The following RNF10 variants were observed in gnomAD, a reference collection of about 807,000 sequenced individuals.
The protein encoded by RNF10 is ring finger protein 10, also known as E3 ubiquitin-protein ligase RNF10.
RNF10 carries 38 observed loss-of-function variants against 91.4 expected under a neutral mutation model. The ratio of observed to expected loss-of-function variants is 0.42; its 90% CI spans 0.32 to 0.54. The LOEUF is 0.54. Among genes scored for constraint, RNF10 ranks in the 20% least tolerant of loss-of-function variants. RNF10 has a pLI of 0.16. For missense variants in RNF10, 945 were observed against 1,012.0 expected (o/e 0.93, Z 0.90); for synonymous variants, 364 against 366.3 (o/e 0.99, Z 0.07).
At chr12:120,535,372 G>A (rs1327701755) in intron 1 of RNF10, 2 of 155,030 alleles carry the variant, frequency 1.3e-5, no homozygotes, top group Non-Finnish European at 2.9e-5. Context: ...AGTTTAGATG[G>A]GTGGGTGAGG....
Position 120,565,200 on chromosome 12 carries a change from C to G in RNF10, c.1783+11C>G, listed in dbSNP as rs1432284682. 9 of 1,532,998 alleles carry G rather than the reference C, an allele frequency of 5.9e-6. No homozygotes were observed. Among genetic ancestry groups the G allele is most frequent in the Non-Finnish European group, 8.1e-6 (9 of 1,106,440 alleles). The allele number at this position is 1,532,998 out of a possible 1,614,324, so 95.0% of individuals were successfully genotyped here. A position where few individuals can be genotyped will look rare whatever the true frequency, so the allele number is the denominator to read the frequency against. On this transcript the variant is annotated intron_variant, in intron 11 of 16. Coordinates refer to ENST00000325954, the MANE Select transcript of RNF10 (RefSeq NM_014868.5). ...TAGAGATGTTCTCAGGTGAGAATGCCCCTGCTCTGCTTCTCTTTATAGTAG... is the reference window on the plus strand; with the variant it reads ...TAGAGATGTTCTCAGGTGAGAATGCGCCTGCTCTGCTTCTCTTTATAGTAG...
At chr12:120,543,631 G>A (rs1417905031) in intron 1 of RNF10, among the ~76,000 whole-genome samples, 1 of 151,960 alleles carries the variant, frequency 6.6e-6, no homozygotes, top group Non-Finnish European at 1.5e-5. Context: ...GCAAAACCCC[G>A]TCTATATCAA....
rs371792374 is a variant in RNF10 at position 120,552,714 on chromosome 12, C to A, written c.554+16C>A. 6.2e-7 allele frequency: 1 copy of A among 1,610,012 alleles called. No individual in the cohort carries two copies. The highest frequency in any genetic ancestry group is 8.5e-7 in the Non-Finnish European group (1 of 1,177,556). On this transcript the variant is annotated intron_variant, in intron 3 of 16. Transcript: ENST00000325954. ...TACAGGCCAAGTGAGTATTGCTACC[C>A]CTCAGAGGAAAGGGAAAGTAGGACT...
At chr12:120,559,277 G>A (rs1302849319) in intron 6 of RNF10, among the ~76,000 whole-genome samples, 1 of 148,602 alleles carries the variant, frequency 6.7e-6, no homozygotes, top group Non-Finnish European at 1.5e-5. Context: ...CACCTCCTCG[G>A]TTCAAACGAT....
At position 120,534,879 on chromosome 12, in the gene RNF10, G is replaced by A. The variant is rs767633855; in HGVS notation, c.68G>A (p.Ser23Asn). The change falls in exon 1 of 17, where the codon AGC becomes AAC. Residue 23 changes from serine to asparagine, a missense_variant. Ser to Asn is a conservative substitution (Grantham distance 46). Coordinates refer to ENST00000325954, the MANE Select transcript of RNF10 (RefSeq NM_014868.5). Reference protein sequence around the residue: ...SDMDKNSGSNSSSASSGSSKG... With the variant: ...SDMDKNSGSNNSSASSGSSKG... ...ATGGACAAGAACAGCGGCTCCAACAGCTCCTCCGCCTCTTCGGGCAGCAGC... is the reference window on the plus strand; with the variant it reads ...ATGGACAAGAACAGCGGCTCCAACAACTCCTCCGCCTCTTCGGGCAGCAGC... 3 of 1,608,286 alleles carry A rather than the reference G, an allele frequency of 1.9e-6. No homozygotes were observed. The highest frequency in any genetic ancestry group is 2.7e-5 in the African/African-American group (2 of 74,862).
chr12:120,565,535 T>G lies in RNF10; in HGVS notation c.1885+6T>G. On this transcript the variant is annotated splice_donor_region_variant and intron_variant, in intron 12 of 16. Coordinates refer to ENST00000325954, the MANE Select transcript of RNF10 (RefSeq NM_014868.5). ...GAACAAGAAACAGGGCAAGTGTAAG[T>G]TCAGGAACTTTCATCTTTGACTAGC... 1 of 1,611,456 alleles carries G rather than the reference T, an allele frequency of 6.2e-7. No individual in the cohort carries two copies. The highest frequency in any genetic ancestry group is 8.5e-7 in the Non-Finnish European group (1 of 1,178,096).
intron 4 of RNF10, among the ~76,000 whole-genome samples, chr12:120,556,707 C>CT (rs2137197924): frequency 6.6e-6 from 1 of 151,822 alleles, no homozygotes; most frequent in South Asian, 2.1e-4. Flanking sequence ...CTTTTTAGGC[C>CT]TTTATGCATA....
chr12:120,546,460 C>T lies in RNF10; in HGVS notation c.213C>T (p.Tyr71=), dbSNP rs766893019. 1 of 1,614,108 alleles carries T rather than the reference C, an allele frequency of 6.2e-7. No individual in the cohort carries two copies. Among genetic ancestry groups the T allele is most frequent in the Non-Finnish European group, 8.5e-7 (1 of 1,180,000 alleles). The change falls in exon 2 of 17, where the codon TAC becomes TAT. Residue 71 remains tyrosine (Y), a synonymous_variant. Coordinates refer to ENST00000325954, the MANE Select transcript of RNF10 (RefSeq NM_014868.5). ...KRYNRKRELS[Y]PKNESFNNQS... ...ATAATCGCAAACGTGAACTTTCCTA[C>T]CCCAAAAATGAAAGTTTTAACAACC...
chr12:120,573,792 A>G (rs1409020487), intron 14 of RNF10, among the ~76,000 whole-genome samples: 3 of 152,134 alleles, frequency 2.0e-5, no homozygotes, highest in African/African-American at 7.2e-5. Flanking sequence ...CAGTTTCAAA[A>G]TAGCCTTCAG....
chr12:120,554,907 C>A, intron 4 of RNF10, 99 bp downstream of exon 4: 6 of 906,018 alleles, frequency 6.6e-6, no homozygotes, highest in Non-Finnish European at 9.0e-6. Flanking sequence ...TGCTTGATAC[C>A]CTTTTCTGCC....
At position 120,546,496 on chromosome 12, in the gene RNF10, C is replaced by T. The variant is rs1872361712; in HGVS notation, c.249C>T (p.Arg83=). ...KNESFNNQSR[R]SSSQKSKTFN... ...AAAGTTTTAACAACCAGTCCCGTCG[C>T]TCCAGTTCACAGAAAAGCAAGACTT... Residue 83 remains arginine (R), a synonymous_variant, in exon 2 of 17, where the codon CGC becomes CGT. Transcript: ENST00000325954. 1 of 1,614,212 alleles carries T rather than the reference C, an allele frequency of 6.2e-7. No individual in the cohort carries two copies. The highest frequency in any genetic ancestry group is 8.5e-7 in the Non-Finnish European group (1 of 1,180,034).
chr12:120,565,201 C>G lies in RNF10; in HGVS notation c.1783+12C>G, dbSNP rs1875505425. The stretch of plus-strand genomic sequence containing the variant: ...AGAGATGTTCTCAGGTGAGAATGCC[C>G]CTGCTCTGCTTCTCTTTATAGTAGG... On this transcript the variant is annotated intron_variant, in intron 11 of 16. Coordinates refer to ENST00000325954, the MANE Select transcript of RNF10 (RefSeq NM_014868.5). The G allele has an allele frequency of 6.5e-7, 1 of 1,534,752 alleles. No individual in the cohort carries two copies. Among genetic ancestry groups the G allele is most frequent in the Non-Finnish European group, 9.0e-7 (1 of 1,107,952 alleles).
chr12:120,534,977 G>A lies in RNF10; in HGVS notation c.157+9G>A, dbSNP rs761496796. On this transcript the variant is annotated intron_variant, in intron 1 of 16. Coordinates refer to ENST00000325954, the MANE Select transcript of RNF10 (RefSeq NM_014868.5). ...GTCTAAACCCAAGAGCGGTAAGGAC[G>A]GGCCTGCGGCAGTGGGCGGGGGCGA... The A allele has an allele frequency of 3.8e-6, 6 of 1,588,354 alleles. No homozygotes were observed. The highest frequency in any genetic ancestry group is 3.3e-5 in the South Asian group (3 of 89,748).
intron 3 of RNF10, 66 bp downstream of exon 3, chr12:120,552,764 T>C: frequency 7.2e-7 from 1 of 1,397,928 alleles, no homozygotes; most frequent in Non-Finnish European, 9.8e-7. Flanking sequence ...GGTGCCTCTG[T>C]GAGAGGCTTT....
intron 4 of RNF10, among the ~76,000 whole-genome samples, chr12:120,556,117 G>A (rs562314162): frequency 3.3e-5 from 5 of 152,014 alleles, no homozygotes; most frequent in Non-Finnish European, 7.4e-5. Context: ...CCACTGATGT[G>A]TTTTCTACTG....
chr12:120,576,683 T>A lies in RNF10; in HGVS notation c.*17T>A. The A allele has an allele frequency of 6.3e-7, 1 of 1,598,476 alleles. No individual in the cohort carries two copies. Among genetic ancestry groups the A allele is most frequent in the South Asian group, 1.1e-5 (1 of 87,444 alleles). ...ACCAAGTGACACTACTGGCCCAGGC[T>A]ACCTTCTCCATCTGGTTTTTGTTTT... On this transcript the variant is annotated 3_prime_UTR_variant, in exon 17 of 17. Transcript: ENST00000325954.
At position 120,552,692 on chromosome 12, in the gene RNF10, A is replaced by G; in HGVS notation, c.548A>G (p.Gln183Arg). 6.2e-7 allele frequency: 1 copy of G among 1,613,700 alleles called. No individual in the cohort carries two copies. Among genetic ancestry groups the G allele is most frequent in the Non-Finnish European group, 8.5e-7 (1 of 1,179,866 alleles). ...HKPFNKELFL[Q>R]ANCQFVVSED... ...CCTTTTAACAAGGAACTCTTTTTAC[A>G]GGCCAAGTGAGTATTGCTACCCCTC... Residue 183 changes from glutamine (Q) to arginine (R), a missense_variant, in exon 3 of 17, where the codon CAG becomes CGG. Gln to Arg is a conservative substitution (Grantham distance 43). Transcript: ENST00000325954.
chr12:120,562,957 G>A lies in RNF10; in HGVS notation c.1141G>A (p.Ala381Thr), dbSNP rs979769694. ...CTGGCCACGTTAGACTCGGGAAGAG[G>A]CTCTGTCGGGATTGGCCGGAAGCAG... ...AIQELKTREE[A>T]LSGLAGSRRE... is the part of the protein sequence containing the mutation. The change falls in exon 8 of 17, where the codon GCT becomes ACT. Residue 381 changes from alanine (A) to threonine (T), a missense_variant. Transcript: ENST00000325954. The A allele has an allele frequency of 6.2e-7, 1 of 1,614,008 alleles. No homozygotes were observed. The highest frequency in any genetic ancestry group is 8.5e-7 in the Non-Finnish European group (1 of 1,179,942).
rs1229188312 is a variant in RNF10 at position 120,565,576 on chromosome 12, T to C, written c.1885+47T>C. The C allele has an allele frequency of 4.6e-6, 7 of 1,513,218 alleles. No homozygotes were observed. In the Admixed American group the frequency reaches 5.3e-5, roughly 11 times the overall value. 93.7% of individuals were successfully genotyped at this position (1,513,218 alleles called of 1,614,324 possible). ...TTTGACTAGCACTGCTGTACGTCGT[T>C]GTATAGAACTCTGTGTCTGGGACCT... On this transcript the variant is annotated intron_variant, in intron 12 of 16. Coordinates refer to ENST00000325954, the MANE Select transcript of RNF10 (RefSeq NM_014868.5).
Sources: gnomAD v4.1 joint callset for allele counts (sites outside exome capture counted in the v4.1 genomes callset) on GRCh38, gnomAD v4.1.1 for gene constraint, MANE v1.5 for transcripts, NCBI Gene and HGNC (gene_info 2026-07-23, HGNC 2026-07-21) for gene names.